Variants in FGF12 observed in about 807,000 individuals in gnomAD.
The protein encoded by FGF12 is fibroblast growth factor 12B.
FGF12 carries 14 observed loss-of-function variants against 23.6 expected under a neutral mutation model. That is an observed-to-expected ratio of 0.59 (90% CI 0.39 to 0.93). The LOEUF (loss-of-function observed/expected upper bound fraction) is 0.93, where lower values mean the gene tolerates loss of function less well. Ranked by LOEUF, FGF12 falls within the 40% of genes least tolerant of loss-of-function variation. The pLI is 0.00. For synonymous variants in FGF12, 62 were observed against 77.3 expected (o/e 0.80, Z 1.04); for missense variants, 175 against 217.8 (o/e 0.80, Z 1.24).
intron 2 of FGF12, among the ~76,000 whole-genome samples, chr3:192,583,388 G>T (rs1004298667): frequency 2.0e-5 from 3 of 152,164 alleles, no homozygotes; most frequent in Admixed American, 2.0e-4. Context: ...TCCTTTTCTA[G>T]AGAAAATACT....
At chr3:192,708,965 A>G (rs1338912066) in intron 2 of FGF12, among the ~76,000 whole-genome samples, 2 of 152,200 alleles carry the variant, frequency 1.3e-5, no homozygotes, top group Non-Finnish European at 2.9e-5. Context: ...ATAATATACC[A>G]TTTGCTAATC....
chr3:192,166,840 TC>T (rs1560175071), intron 5 of FGF12, among the ~76,000 whole-genome samples: 2 of 152,120 alleles, frequency 1.3e-5, no homozygotes, highest in Admixed American at 6.6e-5. Flanking sequence ...GTTTTTTTTT[TC>T]ATTTTTGGAA....
intron 2 of FGF12, among the ~76,000 whole-genome samples, chr3:192,576,072 A>C (rs1426235837): frequency 6.6e-6 from 1 of 152,198 alleles, no homozygotes; most frequent in Admixed American, 6.5e-5. Context: ...GGAAAGGGTG[A>C]GTTGGGGTTA....
At chr3:192,290,549 G>C (rs188904983) in intron 4 of FGF12, among the ~76,000 whole-genome samples, 103 of 152,074 alleles carry the variant, frequency 6.8e-4, no homozygotes, top group Admixed American at 1.2e-3. Flanking sequence ...CCAGCCCTGT[G>C]GTGTGCCATT....
chr3:192,442,641 G>A (rs370613526), intron 2 of FGF12, among the ~76,000 whole-genome samples: 1 of 152,176 alleles, frequency 6.6e-6, no homozygotes, highest in Non-Finnish European at 1.5e-5. Context: ...ACTGGTGTAT[G>A]TAATCAATTC....
intron 2 of FGF12, among the ~76,000 whole-genome samples, chr3:192,505,862 C>T (rs539845846): frequency 2.0e-5 from 3 of 152,138 alleles, no homozygotes; most frequent in South Asian, 2.1e-4. Context: ...GTAGCTCTGG[C>T]GAAGACCAGA....
chr3:192,382,004 T>G (rs1040358295), intron 2 of FGF12, among the ~76,000 whole-genome samples: 1 of 151,896 alleles, frequency 6.6e-6, no homozygotes, highest in Non-Finnish European at 1.5e-5. Flanking sequence ...CTTTTTTTTT[T>G]TTTCTTTTTT....
intron 4 of FGF12, chr3:192,265,423 G>A (rs1713019897): frequency 6.6e-6 from 1 of 152,038 alleles, no homozygotes; most frequent in Non-Finnish European, 1.5e-5. Flanking sequence ...AAGGGTAGGT[G>A]GCTCTTTCTC....
At chr3:192,444,663 T>C (rs1722298305) in intron 2 of FGF12, among the ~76,000 whole-genome samples, 1 of 152,222 alleles carries the variant, frequency 6.6e-6, no homozygotes, top group South Asian at 2.1e-4. Flanking sequence ...CCCTGCTTGC[T>C]ACGCACAGGA....
chr3:192,701,522 A>G (rs1417811696), intron 2 of FGF12, among the ~76,000 whole-genome samples: 1 of 152,196 alleles, frequency 6.6e-6, no homozygotes. Context: ...GAATTCATGT[A>G]AAAATATTGT....
chr3:192,519,891 C>G (rs1724773452), intron 2 of FGF12, among the ~76,000 whole-genome samples: 1 of 152,174 alleles, frequency 6.6e-6, no homozygotes, highest in Non-Finnish European at 1.5e-5. Flanking sequence ...ATTGGGAGAT[C>G]CTTCTGATTT....
intron 2 of FGF12, among the ~76,000 whole-genome samples, chr3:192,709,559 C>G (rs909855281): frequency 2.6e-5 from 4 of 152,138 alleles, no homozygotes; most frequent in Non-Finnish European, 1.5e-5. Context: ...AAGTTTCAGT[C>G]TTGACTTCAC....
intron 4 of FGF12, among the ~76,000 whole-genome samples, chr3:192,303,718 T>TA (rs147473977): frequency 0.028 from 4,277 of 152,316 alleles, 159 homozygotes; most frequent in South Asian, 0.17. Flanking sequence ...TTTTATCACT[T>TA]ACTGCCCATG....
intron 2 of FGF12, among the ~76,000 whole-genome samples, chr3:192,723,343 G>A (rs1187861821): frequency 2.0e-5 from 3 of 151,902 alleles, no homozygotes; most frequent in Admixed American, 1.3e-4. Flanking sequence ...ACATATCCAT[G>A]AGCCTTCATA....
chr3:192,358,027 C>G (rs1231642737), intron 3 of FGF12, among the ~76,000 whole-genome samples: 1 of 151,974 alleles, frequency 6.6e-6, no homozygotes, highest in Non-Finnish European at 1.5e-5. Context: ...AAATATATTA[C>G]CATATACAAA....
At chr3:192,647,674 T>C (rs985260815) in intron 2 of FGF12, among the ~76,000 whole-genome samples, 1 of 149,520 alleles carries the variant, frequency 6.7e-6, no homozygotes, top group South Asian at 2.1e-4. Flanking sequence ...GAAATGAAGA[T>C]ACATATATAC....
intron 2 of FGF12, among the ~76,000 whole-genome samples, chr3:192,485,743 C>G (rs973860262): frequency 2.0e-5 from 3 of 152,034 alleles, no homozygotes; most frequent in African/African-American, 7.2e-5. Flanking sequence ...TTTTATTCAA[C>G]ATACTTATGT....
At chr3:192,186,501 C>T (rs1716478498) in intron 4 of FGF12, among the ~76,000 whole-genome samples, 2 of 152,188 alleles carry the variant, frequency 1.3e-5, no homozygotes, top group Admixed American at 1.3e-4. Context: ...TCTATAGACT[C>T]ATTCTATTAA....
intron 2 of FGF12, among the ~76,000 whole-genome samples, chr3:192,684,049 T>A (rs1193952915): frequency 1.3e-5 from 2 of 152,164 alleles, no homozygotes; most frequent in Non-Finnish European, 2.9e-5. Flanking sequence ...AGTCCCTGTA[T>A]TCCTAAGAGT....
Sources: gnomAD v4.1 joint callset for allele counts (sites outside exome capture counted in the v4.1 genomes callset) on GRCh38, gnomAD v4.1.1 for gene constraint, MANE v1.5 for transcripts, NCBI Gene and HGNC (gene_info 2026-07-23, HGNC 2026-07-21) for gene names.